THSD4: variants seen among roughly 807,000 people sequenced by gnomAD.
THSD4 encodes the protein thrombospondin type-1 domain-containing protein 4.
Under a neutral mutation model 119.0 loss-of-function variants are expected in THSD4, and 69 were observed. That is an observed-to-expected ratio of 0.58 (90% CI 0.48 to 0.71). The LOEUF (loss-of-function observed/expected upper bound fraction) is 0.71, where lower values mean the gene tolerates loss of function less well. Ranked by LOEUF, THSD4 falls within the 30% of genes least tolerant of loss-of-function variation. THSD4 has a pLI of 0.00. For synonymous variants in THSD4, 524 were observed against 540.4 expected (o/e 0.97, Z 0.42); for missense variants, 1,393 against 1,391.1 (o/e 1.00, Z -0.02).
intron 6 of THSD4, among the ~76,000 whole-genome samples, chr15:71,389,810 G>GTTTTTTTTTTTTTTTTTTTTTTTT (rs556682631): frequency 2.3e-5 from 2 of 88,024 alleles, no homozygotes; most frequent in Non-Finnish European, 2.2e-5. Context: ...TTTCTGGGTT[G>GTTTTTTTTTTTTTTTTTTTTTTTT]TTTTTTTTTT....
intron 11 of THSD4, among the ~76,000 whole-genome samples, chr15:71,741,491 TCAAAA>T (rs1010956780): frequency 5.3e-5 from 8 of 151,922 alleles, no homozygotes; most frequent in Non-Finnish European, 1.0e-4. Flanking sequence ...AGACTCCGTC[TCAAAA>T]CAAAACAAAA....
intron 7 of THSD4, among the ~76,000 whole-genome samples, chr15:71,633,508 C>T (rs1354278289): frequency 6.6e-6 from 1 of 152,128 alleles, no homozygotes; most frequent in African/African-American, 2.4e-5. Context: ...CTTCTGGGCT[C>T]AAACGATCCA....
chr15:71,326,700 A>AATATATATATATAT (rs71154759), intron 6 of THSD4, among the ~76,000 whole-genome samples: 86 of 6,394 alleles, frequency 0.013, 9 homozygotes, highest in East Asian at 0.041. Context: ...AAAAAAAAAA[A>AATATATATATATAT]ATATATATAT....
At chr15:71,433,081 A>G (rs2046963284) in intron 7 of THSD4, among the ~76,000 whole-genome samples, 1 of 151,762 alleles carries the variant, frequency 6.6e-6, no homozygotes, top group Non-Finnish European at 1.5e-5. Flanking sequence ...TTATAAATAT[A>G]TATTTTATAA....
intron 8 of THSD4, among the ~76,000 whole-genome samples, chr15:71,697,173 G>A (rs1421493567): frequency 6.6e-6 from 1 of 152,226 alleles, no homozygotes; most frequent in East Asian, 1.9e-4. Flanking sequence ...GAGGGAAAAT[G>A]TGCCAGAGAG....
At chr15:71,453,430 G>C (rs945707986) in intron 7 of THSD4, among the ~76,000 whole-genome samples, 16 of 152,164 alleles carry the variant, frequency 1.1e-4, no homozygotes, top group African/African-American at 3.6e-4. Context: ...GTCCTTGGAT[G>C]CCTCACTGTG....
At chr15:71,680,341 C>T (rs1368889031) in intron 8 of THSD4, among the ~76,000 whole-genome samples, 1 of 152,202 alleles carries the variant, frequency 6.6e-6, no homozygotes, top group African/African-American at 2.4e-5. Flanking sequence ...CAGCATAGAT[C>T]CTGTCCTACA....
chr15:71,474,129 C>T (rs2047624164), intron 7 of THSD4, among the ~76,000 whole-genome samples: 1 of 152,210 alleles, frequency 6.6e-6, no homozygotes, highest in Admixed American at 6.5e-5. Flanking sequence ...AGTCACTGTT[C>T]ATAGCCTCTT....
intron 6 of THSD4, among the ~76,000 whole-genome samples, chr15:71,274,565 C>A (rs1222515922): frequency 6.6e-6 from 1 of 152,142 alleles, no homozygotes; most frequent in Admixed American, 6.5e-5. Flanking sequence ...TCTAGTTCTT[C>A]TCCCACCACT....
At chr15:71,244,828 T>C in intron 5 of THSD4, among the ~76,000 whole-genome samples, 1 of 152,250 alleles carries the variant, frequency 6.6e-6, no homozygotes, top group East Asian at 1.9e-4. Flanking sequence ...TCATTTGTAA[T>C]ATACAACATA....
At chr15:71,458,991 T>G (rs1251253341) in intron 7 of THSD4, among the ~76,000 whole-genome samples, 4 of 152,138 alleles carry the variant, frequency 2.6e-5, no homozygotes, top group African/African-American at 9.7e-5. Context: ...GATGGAACTT[T>G]CTCTGCTTGA....
In THSD4 at chr15:71,665,344, G is replaced by A. The variant is rs547831383; in HGVS notation, c.1357+4610G>A. On this transcript the variant is annotated intron_variant, in intron 8 of 17. Coordinates refer to ENST00000261862, the MANE Select transcript of THSD4 (RefSeq NM_024817.3). ...TGTCTTTTGCCCACTTTTTAATGGG[G>A]TTGTTTTTTTTTCCGTAAACTTGTG... 1.2e-3 allele frequency among the ~76,000 whole-genome samples: 21 copies of A among 17,854 alleles called. No homozygotes were observed. The Admixed American group carries it at 0.024, about 20-fold the overall frequency. 11.7% of individuals were successfully genotyped at this position (17,854 alleles called of 152,430 possible).
intron 7 of THSD4, among the ~76,000 whole-genome samples, chr15:71,649,002 T>C (rs1392987): frequency 0.26 from 39,708 of 152,098 alleles, 5,825 homozygotes; most frequent in East Asian, 0.64. Flanking sequence ...TTAGGAAGGC[T>C]CTTAGGTGAA....
chr15:71,238,556 T>C (rs1031044273), intron 4 of THSD4, among the ~76,000 whole-genome samples: 1 of 152,224 alleles, frequency 6.6e-6, no homozygotes, highest in Admixed American at 6.5e-5. Context: ...AATGGAATCA[T>C]ATGTGTCTGG....
At chr15:71,414,634 C>T (rs1416846792) in intron 7 of THSD4, among the ~76,000 whole-genome samples, 4 of 152,078 alleles carry the variant, frequency 2.6e-5, no homozygotes, top group Admixed American at 2.6e-4. Context: ...TGGGAGAGCA[C>T]GTTTTCTTAG....
At chr15:71,219,915 C>T (rs1192251732) in intron 4 of THSD4, among the ~76,000 whole-genome samples, 1 of 152,178 alleles carries the variant, frequency 6.6e-6, no homozygotes, top group Non-Finnish European at 1.5e-5. Flanking sequence ...TGCTGACTTC[C>T]AGCTGGTGTG....
chr15:71,468,874 T>C (rs1484690348), intron 7 of THSD4, among the ~76,000 whole-genome samples: 2 of 152,236 alleles, frequency 1.3e-5, no homozygotes, highest in Admixed American at 6.5e-5. Context: ...TCCCAAAAGT[T>C]GCACACTACT....
intron 7 of THSD4, among the ~76,000 whole-genome samples, chr15:71,542,078 T>C (rs2140839789): frequency 6.6e-6 from 1 of 152,330 alleles, no homozygotes; most frequent in Middle Eastern, 3.4e-3. Context: ...TTAATAAATA[T>C]ATGGAGGAGG....
chr15:71,675,474 ACTGTG>A (rs556213414), intron 8 of THSD4, among the ~76,000 whole-genome samples: 8 of 152,170 alleles, frequency 5.3e-5, no homozygotes, highest in Non-Finnish European at 8.8e-5. Flanking sequence ...TGAGCCAGGA[ACTGTG>A]CTCAGTGGTG....
Sources: allele counts gnomAD v4.1 joint callset (sites outside exome capture counted in the v4.1 genomes callset), GRCh38; gene constraint gnomAD v4.1.1; transcripts MANE v1.5; gene names NCBI Gene and HGNC (gene_info 2026-07-23, HGNC 2026-07-21).